The following ITGA2 variants were observed in gnomAD, a reference collection of about 807,000 sequenced individuals.
ITGA2 encodes integrin alpha-2.
A neutral mutation model predicts 146.3 loss-of-function variants in ITGA2; 101 were observed. That is an observed-to-expected ratio of 0.69 (90% CI 0.59 to 0.81). The LOEUF is 0.81. ITGA2 is among the 40% of genes least tolerant of loss of function. ITGA2 has a pLI of 0.00. For synonymous variants in ITGA2, 477 were observed against 487.1 expected, an observed-to-expected ratio of 0.98 and a Z score of 0.27; for missense variants, 1,281 against 1,402.7, an observed-to-expected ratio of 0.91 and a Z score of 1.39.
At chr5:52,994,859 G>A (rs894103871) in intron 1 of ITGA2, among the ~76,000 whole-genome samples, 3 of 152,126 alleles carry the variant, frequency 2.0e-5, no homozygotes, top group East Asian at 3.8e-4. Context: ...TGAATTCAGA[G>A]GATGGAGAGA....
intron 1 of ITGA2, among the ~76,000 whole-genome samples, chr5:53,015,178 G>A (rs1742341400): frequency 6.6e-6 from 1 of 151,994 alleles, no homozygotes; most frequent in African/African-American, 2.4e-5. Context: ...GCTCCCATTG[G>A]TGTGATATTA....
intron 8 of ITGA2, 27 bp from the exon 9 acceptor site, chr5:53,055,957 T>A (rs755651901): frequency 1.2e-6 from 2 of 1,601,060 alleles, no homozygotes; most frequent in East Asian, 4.5e-5. Context: ...CAGTAATGAC[T>A]GCACATTCTC....
intron 28 of ITGA2, chr5:53,089,018 C>T (rs1275072813): frequency 2.0e-5 from 3 of 152,086 alleles, no homozygotes; most frequent in Non-Finnish European, 4.4e-5. Flanking sequence ...CAGTGAGCTA[C>T]AAGAATTTAT....
At chr5:53,050,366 G>A (rs2974976) in intron 6 of ITGA2, among the ~76,000 whole-genome samples, 72,442 of 151,916 alleles carry the variant, frequency 0.48, 17,308 homozygotes, top group Middle Eastern at 0.52. Flanking sequence ...GGGCTCTGTC[G>A]TGGGATTACT....
At chr5:53,016,516 C>T (rs1742405823) in intron 1 of ITGA2, among the ~76,000 whole-genome samples, 1 of 152,136 alleles carries the variant, frequency 6.6e-6, no homozygotes. Context: ...CTGCCTTTAA[C>T]ATTTGTTCTC....
At chr5:53,048,234 T>G in intron 4 of ITGA2, 129 bp from the exon 5 acceptor site, 6 of 760,616 alleles carry the variant, frequency 7.9e-6, no homozygotes, top group Non-Finnish European at 1.4e-5. Context: ...TACTGACTCA[T>G]TGGTTTTGAG....
chr5:52,989,501 G>A lies in ITGA2; in HGVS notation c.33G>A (p.Leu11=), dbSNP rs748380531. The A allele has an allele frequency of 6.2e-7, 1 of 1,613,448 alleles. No individual in the cohort carries two copies. The highest frequency in any genetic ancestry group is 1.3e-5 in the African/African-American group (1 of 74,862). Residue 11 remains leucine, a synonymous_variant, in exon 1 of 30, where the codon CTG becomes CTA. Transcript: ENST00000296585. MGPERTGAAP[L]PLLLVLALSQ... is the part of the protein sequence containing the mutation. The stretch of plus-strand genomic sequence containing the variant: ...CAGAACGGACAGGGGCCGCGCCGCT[G>A]CCGCTGCTGCTGGTGTTAGCGCTCA...
At chr5:53,016,012 A>G (rs781367993) in intron 1 of ITGA2, among the ~76,000 whole-genome samples, 2 of 152,138 alleles carry the variant, frequency 1.3e-5, no homozygotes, top group Non-Finnish European at 2.9e-5. Flanking sequence ...TGAAGACAGC[A>G]TACACTCGGG....
chr5:53,008,862 C>T (rs1741984431), intron 1 of ITGA2, among the ~76,000 whole-genome samples: 1 of 152,128 alleles, frequency 6.6e-6, no homozygotes, highest in Non-Finnish European at 1.5e-5. Flanking sequence ...ATACATTAGC[C>T]TGATACTGTC....
Position 53,073,166 on chromosome 5 carries a change from AGTAACGCT to A in ITGA2, c.2480_2487del (p.Val827GlufsTer3). On this transcript the variant is annotated frameshift_variant, in exon 20 of 30. Transcript: ENST00000296585. LOFTEE classifies it high-confidence loss of function. The stretch of plus-strand genomic sequence containing the variant: ...ACCAAAACAAAAGGTTAACATTTTC[AGTAACGCT>A]GAAAAATAAAAGGGAAAGTGCATAC... 6.2e-7 allele frequency: 1 copy of A among 1,612,424 alleles called. No homozygotes were observed. Among genetic ancestry groups the A allele is most frequent in the Non-Finnish European group, 8.5e-7 (1 of 1,178,876 alleles).
intron 2 of ITGA2, among the ~76,000 whole-genome samples, chr5:53,036,438 C>T (rs186650869): frequency 6.6e-6 from 1 of 152,332 alleles, no homozygotes; most frequent in East Asian, 1.9e-4. Context: ...CCATCTCCTT[C>T]CACTATCCCC....
intron 1 of ITGA2, among the ~76,000 whole-genome samples, chr5:53,019,295 T>A (rs1742552807): frequency 6.6e-6 from 1 of 152,122 alleles, no homozygotes; most frequent in Non-Finnish European, 1.5e-5. Context: ...TTACCCACGG[T>A]CACCTGTGAC....
At chr5:53,046,274 G>A (rs1041709391) in intron 4 of ITGA2, among the ~76,000 whole-genome samples, 1 of 151,168 alleles carries the variant, frequency 6.6e-6, no homozygotes, top group Non-Finnish European at 1.5e-5. Flanking sequence ...TGAACCATTG[G>A]CACGCTTTCT....
Position 53,073,259 on chromosome 5 carries a change from G to A in ITGA2, c.2571G>A (p.Pro857=), listed in dbSNP as rs1745488093. The A allele has an allele frequency of 5.6e-6, 9 of 1,611,988 alleles. No individual in the cohort carries two copies. Among genetic ancestry groups the A allele is most frequent in the Admixed American group, 3.3e-5 (2 of 59,942 alleles). Residue 857 remains proline, a splice_region_variant and synonymous_variant, in exon 20 of 30, where the codon CCG becomes CCA. Coordinates refer to ENST00000296585, the MANE Select transcript of ITGA2 (RefSeq NM_002203.4). ...TGTTTTTTGCATCATTCTCCCTGCCGGTATGTGATGAGACCCTGTACTTAC... is the reference window on the plus strand; with the variant it reads ...TGTTTTTTGCATCATTCTCCCTGCCAGTATGTGATGAGACCCTGTACTTAC... ...ENLFFASFSL[P]VDGTEVTCQV...
At position 53,065,092 on chromosome 5, in the gene ITGA2, A is replaced by G; in HGVS notation, c.1783A>G (p.Thr595Ala). The G allele has an allele frequency of 6.2e-7, 1 of 1,612,668 alleles. No homozygotes were observed. Among genetic ancestry groups the G allele is most frequent in the Non-Finnish European group, 8.5e-7 (1 of 1,179,092 alleles). Residue 595 changes from threonine (T) to alanine (A), a missense_variant, in exon 14 of 30, where the codon ACT becomes GCT. This residue lies in a region of ITGA2 where 795 missense variants were observed against 841.7 expected (regional missense o/e 0.94). Transcript: ENST00000296585. ...ATACATTTACAATGGTCATCAGGGC[A>G]CTATCCGCACAAAGTATTCCCAGGT... ...AVYIYNGHQG[T>A]IRTKYSQKIL...
Position 53,080,605 on chromosome 5 carries a change from G to A in ITGA2, c.3023G>A (p.Gly1008Glu). 1 of 1,612,640 alleles carries A rather than the reference G, an allele frequency of 6.2e-7. No individual in the cohort carries two copies. Among genetic ancestry groups the A allele is most frequent in the South Asian group, 1.1e-5 (1 of 91,066 alleles). The change falls in exon 25 of 30, where the codon GGG becomes GAG. Residue 1008 changes from glycine to glutamate, a missense_variant. Gly to Glu is a moderately conservative substitution (Grantham distance 98). Coordinates refer to ENST00000296585, the MANE Select transcript of ITGA2 (RefSeq NM_002203.4). The stretch of plus-strand genomic sequence containing the variant: ...AAGAACCCACTGATGTACCTAACTG[G>A]GGTGCAAACAGACAAGGTAAAGATT... ...KEKNPLMYLTGVQTDKAGDIS... is the reference protein window; with the variant it reads ...KEKNPLMYLTEVQTDKAGDIS...
chr5:53,021,730 A>G (rs1742692174), intron 1 of ITGA2, among the ~76,000 whole-genome samples: 2 of 152,206 alleles, frequency 1.3e-5, no homozygotes, highest in Admixed American at 6.5e-5. Flanking sequence ...TAGGCCTTAC[A>G]GTTCTTATGT....
At chr5:53,018,083 G>A (rs1026586493) in intron 1 of ITGA2, among the ~76,000 whole-genome samples, 3 of 152,212 alleles carry the variant, frequency 2.0e-5, no homozygotes, top group East Asian at 1.9e-4. Flanking sequence ...AGAGGCCATG[G>A]TCAGGCTGGA....
Position 53,074,431 on chromosome 5 carries a change from C to T in ITGA2, c.2618C>T (p.Ser873Phe). 6.2e-7 allele frequency: 1 copy of T among 1,612,374 alleles called. No homozygotes were observed. The highest frequency in any genetic ancestry group is 8.5e-7 in the Non-Finnish European group (1 of 1,178,966). ...TGCCAGGTGGCTGCATCTCAGAAGT[C>T]TGTTGCCTGCGATGTAGGCTACCCT... ...VTCQVAASQK[S>F]VACDVGYPAL... Residue 873 changes from serine (S) to phenylalanine (F), a missense_variant, in exon 21 of 30, where the codon TCT (serine) becomes TTT (phenylalanine). Around this residue, in one of 3 missense-constraint regions of ITGA2, gnomAD observed 475 missense variants for 530.5 expected, o/e 0.90. Transcript: ENST00000296585.
Sources: gnomAD v4.1 joint callset for allele counts (sites outside exome capture counted in the v4.1 genomes callset) on GRCh38, gnomAD v4.1.1 for gene constraint, gnomAD v4.1.1 regional missense constraint, MANE v1.5 for transcripts, NCBI Gene and HGNC (gene_info 2026-07-23, HGNC 2026-07-21) for gene names.